The following SPON1 variants were observed in gnomAD, a reference collection of about 807,000 sequenced individuals.
SPON1 encodes the protein spondin-1.
A neutral mutation model predicts 111.7 loss-of-function variants in SPON1; 52 were observed. The observed-to-expected ratio is 0.47, with a 90% CI of 0.37 to 0.59. SPON1 has a LOEUF of 0.59. Ranked by LOEUF, SPON1 falls within the 20% of genes least tolerant of loss-of-function variation. The pLI is 0.00. For synonymous variants in SPON1, 410 were observed against 395.8 expected (o/e 1.04, Z -0.43); for missense variants, 957 against 1,068.5 (o/e 0.90, Z 1.46).
In SPON1 at chr11:14,147,017, C is replaced by T. The variant is rs1287396858; in HGVS notation, c.825+11449C>T. Among the ~76,000 whole-genome samples the T allele has an allele frequency of 3.7e-3, 241 of 65,046 alleles. 2 individuals carry two copies. The highest frequency in any genetic ancestry group is 0.015 in the African/African-American group (224 of 14,758). The allele number at this position is 65,046 out of a possible 152,430, so 42.7% of individuals were successfully genotyped here. On this transcript the variant is annotated intron_variant, in intron 6 of 15. Transcript: ENST00000576479. ...ACGTTAGAAGAAAACATGAAAGAAC[C>T]TTTTTTTTTTTTTTTTTTTTTTTTT...
intron 6 of SPON1, among the ~76,000 whole-genome samples, chr11:14,146,964 T>A (rs1382449821): frequency 6.7e-6 from 1 of 150,220 alleles, no homozygotes; most frequent in African/African-American, 2.4e-5. Context: ...TATCAAAAAT[T>A]TAAATATTTT....
chr11:14,142,837 A>C (rs1847671990), intron 6 of SPON1, among the ~76,000 whole-genome samples: 1 of 152,248 alleles, frequency 6.6e-6, no homozygotes, highest in Non-Finnish European at 1.5e-5. Context: ...ACATGAGAAC[A>C]CAAGTTTGTG....
At chr11:14,049,178 A>C (rs143487844) in intron 3 of SPON1, among the ~76,000 whole-genome samples, 1 of 152,302 alleles carries the variant, frequency 6.6e-6, no homozygotes, top group Non-Finnish European at 1.5e-5. Flanking sequence ...TGATCTTCAT[A>C]CTGTACTCTG....
intron 5 of SPON1, among the ~76,000 whole-genome samples, chr11:14,131,662 G>A (rs1302211813): frequency 6.6e-6 from 1 of 152,158 alleles, no homozygotes; most frequent in African/African-American, 2.4e-5. Context: ...AACTCTGGGA[G>A]ATTCTCCAGC....
Position 14,260,777 on chromosome 11 carries a change from C to A in SPON1, c.1996+25C>A, listed in dbSNP as rs1362571675. 1.0e-5 allele frequency: 16 copies of A among 1,605,532 alleles called. No homozygotes were observed. In the Admixed American group the frequency reaches 2.5e-4, roughly 25 times the overall value. ...CGTAAGTCCTGGAGCTCCTCAAGGC[C>A]CATCACTTCTATGTTCCTGAGTCCA... On this transcript the variant is annotated intron_variant, in intron 14 of 15. Coordinates refer to ENST00000576479, the MANE Select transcript of SPON1 (RefSeq NM_006108.4).
intron 2 of SPON1, among the ~76,000 whole-genome samples, chr11:13,992,081 G>C (rs1329871370): frequency 6.6e-6 from 1 of 151,506 alleles, no homozygotes; most frequent in Non-Finnish European, 1.5e-5. Context: ...AGCAGAACTT[G>C]AATGCTGTGC....
chr11:14,214,265 C>T (rs1468449152), intron 6 of SPON1, among the ~76,000 whole-genome samples: 7 of 152,194 alleles, frequency 4.6e-5, no homozygotes, highest in East Asian at 1.9e-4. Flanking sequence ...AATGAGGAAG[C>T]GTTGGAAGAA....
intron 6 of SPON1, among the ~76,000 whole-genome samples, chr11:14,237,729 T>C (rs1181548462): frequency 6.6e-6 from 1 of 152,268 alleles, no homozygotes; most frequent in Non-Finnish European, 1.5e-5. Flanking sequence ...CCAAGGAGCC[T>C]GTGCCTTCCC....
chr11:14,114,067 A>G (rs1316722188), intron 5 of SPON1, among the ~76,000 whole-genome samples: 2 of 152,106 alleles, frequency 1.3e-5, no homozygotes, highest in Admixed American at 1.3e-4. Flanking sequence ...ATCCAATTAC[A>G]CTTTTTAAGT....
intron 2 of SPON1, among the ~76,000 whole-genome samples, chr11:14,023,994 T>C (rs1487955646): frequency 1.0e-5 from 1 of 98,244 alleles, no homozygotes; most frequent in Non-Finnish European, 2.0e-5. Context: ...AGTGCGAGAC[T>C]CCATCTCAAA....
chr11:14,199,400 G>T (rs919591610), intron 6 of SPON1, among the ~76,000 whole-genome samples: 5 of 151,698 alleles, frequency 3.3e-5, no homozygotes, highest in Non-Finnish European at 7.4e-5. Flanking sequence ...CCCCACAACA[G>T]TTGACCACCA....
At chr11:14,027,685 C>G (rs1554915529) in intron 2 of SPON1, among the ~76,000 whole-genome samples, 1 of 152,164 alleles carries the variant, frequency 6.6e-6, no homozygotes, top group African/African-American at 2.4e-5. Context: ...TCAGGCGGAG[C>G]AGGATAGAGA....
At chr11:14,240,589 T>TGTG (rs1848914365) in intron 6 of SPON1, among the ~76,000 whole-genome samples, 2 of 140,252 alleles carry the variant, frequency 1.4e-5, no homozygotes, top group Admixed American at 7.2e-5. Flanking sequence ...AGAAGCAATA[T>TGTG]TGTGTGTGTG....
rs550064693 is a variant in SPON1 at position 14,262,354 on chromosome 11, G to A, written c.1997-358G>A. On this transcript the variant is annotated intron_variant, in intron 14 of 15. Coordinates refer to ENST00000576479, the MANE Select transcript of SPON1 (RefSeq NM_006108.4). ...GGCCTTGCTCTGAAAAATATCACCA[G>A]TGAGTTTGGGACTGTGGGAAGCTAT... 1.7e-4 allele frequency: 41 copies of A among 247,584 alleles called. No homozygotes were observed. The South Asian group carries it at 2.8e-3, about 17-fold the overall frequency. The allele number at this position is 247,584 out of a possible 1,614,324, so 15.3% of individuals were successfully genotyped here.
intron 6 of SPON1, among the ~76,000 whole-genome samples, chr11:14,197,924 C>T (rs911682167): frequency 1.3e-5 from 2 of 152,194 alleles, no homozygotes; most frequent in Non-Finnish European, 2.9e-5. Context: ...GATAAGTCTG[C>T]TTGTGGCTTT....
chr11:14,110,044 G>T (rs1427740099), intron 5 of SPON1, among the ~76,000 whole-genome samples: 1 of 152,160 alleles, frequency 6.6e-6, no homozygotes, highest in East Asian at 1.9e-4. Flanking sequence ...AAACTGTTCT[G>T]CTGTGAAAGA....
chr11:14,230,792 T>A (rs1048538467), intron 6 of SPON1, among the ~76,000 whole-genome samples: 3 of 147,462 alleles, frequency 2.0e-5, no homozygotes, highest in African/African-American at 5.2e-5. Flanking sequence ...TCCTTCATTT[T>A]TTCGTGGTGG....
chr11:14,170,701 A>G (rs9704334), intron 6 of SPON1, among the ~76,000 whole-genome samples: 59,570 of 151,970 alleles, frequency 0.39, 11,937 homozygotes, highest in East Asian at 0.55. Flanking sequence ...AGTTTTTAGC[A>G]TGAAGTTGTT....
chr11:14,158,886 T>C (rs189928804), intron 6 of SPON1, among the ~76,000 whole-genome samples: 2 of 152,266 alleles, frequency 1.3e-5, no homozygotes, highest in Admixed American at 1.3e-4. Context: ...GATTTGTGTC[T>C]CTAACCCAAT....
Sources: gnomAD v4.1 joint callset for allele counts (sites outside exome capture counted in the v4.1 genomes callset) on GRCh38, gnomAD v4.1.1 for gene constraint, MANE v1.5 for transcripts, NCBI Gene and HGNC (gene_info 2026-07-23, HGNC 2026-07-21) for gene names.